Variants in ITPR1 observed in about 807,000 individuals in gnomAD.
ITPR1 encodes inositol 1,4,5-trisphosphate receptor type 1.
A neutral mutation model predicts 318.4 loss-of-function variants in ITPR1; 96 were observed. The observed-to-expected ratio is 0.30, with a 90% CI of 0.26 to 0.36. The LOEUF is 0.36. Among genes scored for constraint, ITPR1 ranks in the 10% least tolerant of loss-of-function variants. The pLI is 1.00. For missense variants in ITPR1, 2,440 were observed against 3,460.2 expected (o/e 0.71, Z 7.40); for synonymous variants, 1,312 against 1,289.9 (o/e 1.02, Z -0.37).
intron 10 of ITPR1, among the ~76,000 whole-genome samples, chr3:4,646,795 CT>C (rs967042524): frequency 2.6e-5 from 4 of 152,156 alleles, no homozygotes; most frequent in African/African-American, 9.7e-5. Context: ...GCCTTCCTTT[CT>C]GTGTAATTGC....
In ITPR1 at chr3:4,684,303, AG is replaced by A; in HGVS notation, c.3522del (p.Lys1174AsnfsTer17). ...TAGGAGGGAAATAACAAGCCACAAA[AG>A]CATGAAAGCACCAGCAGCTACAACT... Reference protein sequence around the residue: ...KTEEGNNKPQKHESTSSYNYR... With the variant: ...KTEEGNNKPQXHESTSSYNYR... On this transcript the variant is annotated frameshift_variant, in exon 29 of 62. Coordinates refer to ENST00000649015, the MANE Select transcript of ITPR1 (RefSeq NM_001378452.1). LOFTEE classifies it high-confidence loss of function. 1.2e-6 allele frequency: 2 copies of A among 1,612,818 alleles called. No homozygotes were observed. Among genetic ancestry groups the A allele is most frequent in the South Asian group, 1.1e-5 (1 of 90,736 alleles).
chr3:4,822,248 G>C (rs987294716), intron 60 of ITPR1, among the ~76,000 whole-genome samples: 1 of 152,200 alleles, frequency 6.6e-6, no homozygotes, highest in African/African-American at 2.4e-5. Flanking sequence ...CAGGCCCAGA[G>C]CACAGCCAGC....
At chr3:4,683,898 A>G (rs1251012668) in intron 28 of ITPR1, 100 bp downstream of exon 28, 15 of 1,085,730 alleles carry the variant, frequency 1.4e-5, no homozygotes, top group Non-Finnish European at 1.3e-6. Context: ...GATAGGATTT[A>G]TTTTCAAGAG....
chr3:4,676,140 G>A (rs1239507723), intron 23 of ITPR1, among the ~76,000 whole-genome samples: 3 of 150,364 alleles, frequency 2.0e-5, no homozygotes, highest in African/African-American at 7.3e-5. Context: ...CCAGGAGTTC[G>A]AGACCAGGCT....
chr3:4,495,528 C>T (rs529641180), intron 2 of ITPR1, among the ~76,000 whole-genome samples: 2 of 152,280 alleles, frequency 1.3e-5, no homozygotes, highest in South Asian at 2.1e-4. Context: ...ACTCACATGG[C>T]TGTGTGGGTG....
intron 34 of ITPR1, 80 bp downstream of exon 34, chr3:4,697,352 G>GTGTGTA (rs2094576099): frequency 2.3e-6 from 3 of 1,318,756 alleles, no homozygotes; most frequent in South Asian, 1.5e-5. Context: ...GTGTGTGTGT[G>GTGTGTA]TAGCATCTTT....
Position 4,642,267 on chromosome 3 carries a change from C to G in ITPR1, c.525+16C>G. 1 of 1,503,644 alleles carries G rather than the reference C, an allele frequency of 6.7e-7. No homozygotes were observed. Among genetic ancestry groups the G allele is most frequent in the East Asian group, 2.4e-5 (1 of 42,198 alleles). The allele number at this position is 1,503,644 out of a possible 1,614,324, so 93.1% of individuals were successfully genotyped here. A position where few individuals can be genotyped will look rare whatever the true frequency, so the allele number is the denominator to read the frequency against. ...TGGAGACAGCGTAAGTGCGGATTCT[C>G]CACCTAGAAAGTCTTCCGTGCCATG... On this transcript the variant is annotated intron_variant, in intron 7 of 61. Transcript: ENST00000649015.
At chr3:4,500,693 T>A (rs185890834) in intron 2 of ITPR1, among the ~76,000 whole-genome samples, 99 of 152,332 alleles carry the variant, frequency 6.5e-4, no homozygotes, top group Admixed American at 2.0e-3. Context: ...AAACTTTTTT[T>A]AAAAATTGGT....
intron 4 of ITPR1, among the ~76,000 whole-genome samples, chr3:4,625,334 G>T (rs1371042254): frequency 6.6e-6 from 1 of 151,628 alleles, no homozygotes; most frequent in Non-Finnish European, 1.5e-5. Flanking sequence ...GAAAGACCTA[G>T]TGTTTATGTA....
At chr3:4,530,163 C>T (rs549625693) in intron 4 of ITPR1, among the ~76,000 whole-genome samples, 12 of 152,284 alleles carry the variant, frequency 7.9e-5, no homozygotes, top group Admixed American at 2.6e-4. Flanking sequence ...GCATGCTAAC[C>T]GCCTACTTAA....
At chr3:4,574,170 T>A (rs566474433) in intron 4 of ITPR1, among the ~76,000 whole-genome samples, 3 of 151,938 alleles carry the variant, frequency 2.0e-5, no homozygotes, top group East Asian at 3.9e-4. Flanking sequence ...GTTCATGAGG[T>A]CTAAGTGGGA....
intron 4 of ITPR1, among the ~76,000 whole-genome samples, chr3:4,611,300 C>T (rs2092104020): frequency 6.6e-6 from 1 of 150,950 alleles, no homozygotes; most frequent in African/African-American, 2.4e-5. Flanking sequence ...TGGCTCACGC[C>T]TGTAATCCCA....
At chr3:4,835,754 G>A (rs969171291) in intron 60 of ITPR1, among the ~76,000 whole-genome samples, 7 of 152,120 alleles carry the variant, frequency 4.6e-5, no homozygotes, top group African/African-American at 7.2e-5. Flanking sequence ...TTATGTATGC[G>A]GCATGCTCTT....
Position 4,684,351 on chromosome 3 carries a change from G to A in ITPR1, c.3564+5G>A, listed in dbSNP as rs371420259. The A allele has an allele frequency of 1.2e-6, 2 of 1,603,832 alleles. No homozygotes were observed. Among genetic ancestry groups the A allele is most frequent in the South Asian group, 1.1e-5 (1 of 90,402 alleles). On this transcript the variant is annotated splice_donor_5th_base_variant and intron_variant, in intron 29 of 61. Coordinates refer to ENST00000649015, the MANE Select transcript of ITPR1 (RefSeq NM_001378452.1). Reference sequence around the variant, plus strand: ...AACTACAGAGTGGTCAAAGAGGTAAGCTCCTCCCCCACCACCATTTTTCCT... The same window carrying A: ...AACTACAGAGTGGTCAAAGAGGTAAACTCCTCCCCCACCACCATTTTTCCT...
chr3:4,699,983 C>T (rs774457000), intron 35 of ITPR1, 42 bp downstream of exon 35: 4 of 1,583,320 alleles, frequency 2.5e-6, no homozygotes, highest in African/African-American at 1.3e-5. Flanking sequence ...CACGATACAC[C>T]TTCTGCAGTT....
intron 4 of ITPR1, among the ~76,000 whole-genome samples, chr3:4,543,215 T>C (rs1001067670): frequency 2.6e-5 from 4 of 151,716 alleles, no homozygotes; most frequent in African/African-American, 7.3e-5. Context: ...TGAGCTGTGA[T>C]TGTGTCACTG....
rs374238070 is a variant in ITPR1, at chr3:4,841,404, C to T, written c.8190+4469C>T. On this transcript the variant is annotated intron_variant, in intron 61 of 61. Transcript: ENST00000649015. ...CCAGGAAAGGAATCAGCATGAGCAA[C>T]GGCATGAAAATGCATGGCATGCTCA... 2.2e-4 allele frequency among the ~76,000 whole-genome samples: 34 copies of T among 152,306 alleles called. No individual in the cohort carries two copies. The East Asian group carries it at 4.0e-3, about 18-fold the overall frequency.
chr3:4,508,053 G>T (rs1192652177), intron 2 of ITPR1, among the ~76,000 whole-genome samples: 1 of 152,136 alleles, frequency 6.6e-6, no homozygotes, highest in African/African-American at 2.4e-5. Flanking sequence ...GAAATTAATG[G>T]TGCACTGTGG....
At chr3:4,561,525 T>C (rs2086672638) in intron 4 of ITPR1, among the ~76,000 whole-genome samples, 1 of 152,170 alleles carries the variant, frequency 6.6e-6, no homozygotes, top group Admixed American at 6.5e-5. Flanking sequence ...ACTCACTACA[T>C]TTCTAGGTTC....
Sources: allele counts gnomAD v4.1 joint callset (sites outside exome capture counted in the v4.1 genomes callset), GRCh38; gene constraint gnomAD v4.1.1; transcripts MANE v1.5; gene names NCBI Gene and HGNC (gene_info 2026-07-23, HGNC 2026-07-21).